Variants in PALM2AKAP2 observed in about 807,000 individuals in gnomAD.
PALM2AKAP2 encodes the protein PALM2 and AKAP2 fusion, also known as PALM2-AKAP2 fusion protein.
Under a neutral mutation model 71.5 loss-of-function variants are expected in PALM2AKAP2, and 37 were observed. The ratio of observed to expected loss-of-function variants is 0.52; its 90% CI spans 0.40 to 0.68. The LOEUF (loss-of-function observed/expected upper bound fraction) is 0.68. PALM2AKAP2 is among the 30% of genes least tolerant of loss of function. The pLI, the probability that PALM2AKAP2 is intolerant of heterozygous loss-of-function variation, is 0.00. For missense variants in PALM2AKAP2, 1,224 were observed against 1,191.8 expected (o/e 1.03, Z -0.40); for synonymous variants, 468 against 478.8 (o/e 0.98, Z 0.29).
chr9:109,713,092 G>A lies in PALM2AKAP2; in HGVS notation c.6-67396G>A, dbSNP rs147669505. ...ATCTTGGCTTTCTGGTCTCTTAGAC[G>A]AAGATCAGGATCCCCATCACCTGGG... On this transcript the variant is annotated intron_variant, in intron 1 of 6. Coordinates refer to the PALM2AKAP2 transcript ENST00000374531. 2.0e-4 allele frequency among the ~76,000 whole-genome samples: 30 copies of A among 152,300 alleles called. No homozygotes were observed. In the East Asian group the frequency reaches 2.3e-3, roughly 12 times the overall value.
Position 109,866,278 on chromosome 9 carries a change from G to A in PALM2AKAP2, c.46-1213G>A, listed in dbSNP as rs376732551. On this transcript the variant is annotated intron_variant, in intron 1 of 9. Coordinates refer to the PALM2AKAP2 transcript ENST00000302798. ...AGCACAGCAGCCAGGCTTCCGCATT[G>A]TTGTTGTCCCTAGGATTTGGCTGTT... Among the ~76,000 whole-genome samples the A allele has an allele frequency of 8.5e-5, 13 of 152,298 alleles. No homozygotes were observed. The East Asian group carries it at 1.3e-3, about 16-fold the overall frequency.
chr9:109,771,295 A>G (rs1829257639), intron 1 of PALM2AKAP2, among the ~76,000 whole-genome samples: 1 of 152,230 alleles, frequency 6.6e-6, no homozygotes, highest in Non-Finnish European at 1.5e-5. Flanking sequence ...CTGTGAAGTT[A>G]ACAAGAAGGG....
chr9:109,774,480 A>G (rs1176078424), intron 1 of PALM2AKAP2, among the ~76,000 whole-genome samples: 1 of 152,152 alleles, frequency 6.6e-6, no homozygotes, highest in Non-Finnish European at 1.5e-5. Context: ...CTTATTTATA[A>G]TTGTTAGATT....
chr9:110,119,372 GA>G (rs1256167035), intron 1 of PALM2AKAP2, among the ~76,000 whole-genome samples: 3 of 148,830 alleles, frequency 2.0e-5, no homozygotes, highest in Non-Finnish European at 4.5e-5. Flanking sequence ...AAAAGAAAAA[GA>G]AGATAACAGT....
In PALM2AKAP2 at chr9:110,003,068, G is replaced by T. The variant is rs1047329415; in HGVS notation, c.497-12886G>T. ...CTGATCTTAGTTATTTCTTGCCTTC[G>T]GCTAGCTTTTGAACGTGTTTGCTCT... On this transcript the variant is annotated intron_variant, in intron 6 of 9. Coordinates refer to the PALM2AKAP2 transcript ENST00000302798. Among the ~76,000 whole-genome samples, 27 of 151,948 alleles carry T rather than the reference G, an allele frequency of 1.8e-4. No individual in the cohort carries two copies. In the South Asian group the frequency reaches 3.3e-3, roughly 19 times the overall value.
rs975384725 is a variant in PALM2AKAP2 at position 109,933,712 on chromosome 9, T to G, written c.496+1684T>G. 1.3e-5 allele frequency among the ~76,000 whole-genome samples: 2 copies of G among 152,262 alleles called. 1 individual carries two copies. Among genetic ancestry groups the G allele is most frequent in the Admixed American group, 1.3e-4 (2 of 15,292 alleles). On this transcript the variant is annotated intron_variant, in intron 6 of 9. Transcript: ENST00000302798. ...CAAAAGTATAATGTGATCAGAATCT[T>G]TTTCAAAGTAATTTTACATATGTTT... is the stretch of plus-strand genomic sequence containing the variant.
intron 6 of PALM2AKAP2, among the ~76,000 whole-genome samples, chr9:109,990,039 A>C (rs994216088): frequency 4.0e-5 from 6 of 151,686 alleles, no homozygotes; most frequent in Non-Finnish European, 8.8e-5. Flanking sequence ...TCCACTGTTT[A>C]AGTCACTGTT....
At chr9:110,076,669 A>ATAT (rs1834331806) in intron 1 of PALM2AKAP2, among the ~76,000 whole-genome samples, 1 of 151,924 alleles carries the variant, frequency 6.6e-6, no homozygotes, top group South Asian at 2.1e-4. Flanking sequence ...GTTATCTGTA[A>ATAT]TATTTTGGTC....
At chr9:109,941,103 C>T (rs1418137) in intron 6 of PALM2AKAP2, among the ~76,000 whole-genome samples, 1 of 146,562 alleles carries the variant, frequency 6.8e-6, no homozygotes. Flanking sequence ...CTTCTTTTTT[C>T]TTCCTTCTCC....
chr9:110,014,222 C>T (rs2132332596), intron 6 of PALM2AKAP2, among the ~76,000 whole-genome samples: 1 of 152,168 alleles, frequency 6.6e-6, no homozygotes, highest in Middle Eastern at 3.4e-3. Context: ...AGATAACTAT[C>T]TAAATACTTA....
intron 2 of PALM2AKAP2, among the ~76,000 whole-genome samples, chr9:110,153,927 G>T (rs1037488025): frequency 6.6e-6 from 1 of 152,216 alleles, no homozygotes; most frequent in Non-Finnish European, 1.5e-5. Context: ...ATGAATATAG[G>T]CTGTGCTTTC....
chr9:109,985,656 CT>C lies in PALM2AKAP2; in HGVS notation c.497-30283del, dbSNP rs568197028. Among the ~76,000 whole-genome samples the C allele has an allele frequency of 2.9e-3, 385 of 131,984 alleles. 1 individual carries two copies. The highest frequency in any genetic ancestry group is 3.9e-3 in the Middle Eastern group (1 of 254). The allele number at this position is 131,984 out of a possible 152,430, so 86.6% of individuals were successfully genotyped here. On this transcript the variant is annotated intron_variant, in intron 6 of 9. Transcript: ENST00000302798. ...AAACTGTCTTGAGTTTTCTTTCTTTCTTTTTTTTTTTTTTTAACAGTCTTGC... is the reference window on the plus strand; with the variant it reads ...AAACTGTCTTGAGTTTTCTTTCTTTCTTTTTTTTTTTTTTAACAGTCTTGC...
intron 6 of PALM2AKAP2, among the ~76,000 whole-genome samples, chr9:109,965,734 T>C (rs6477734): frequency 0.4 from 61,131 of 152,000 alleles, 13,213 homozygotes; most frequent in Non-Finnish European, 0.49. Context: ...ATTATGTATG[T>C]TTTACCACAA....
intron 2 of PALM2AKAP2, among the ~76,000 whole-genome samples, chr9:109,870,140 A>C (rs941431718): frequency 6.6e-6 from 1 of 152,184 alleles, no homozygotes; most frequent in African/African-American, 2.4e-5. Flanking sequence ...CTCAGGCCAC[A>C]GTGAGGCCCA....
intron 1 of PALM2AKAP2, among the ~76,000 whole-genome samples, chr9:109,842,866 T>A (rs946622332): frequency 6.6e-6 from 1 of 151,712 alleles, no homozygotes; most frequent in Admixed American, 6.6e-5. Flanking sequence ...AATCAAACAG[T>A]TCGGTGGCTC....
chr9:109,948,943 C>T (rs1831572760), intron 6 of PALM2AKAP2, among the ~76,000 whole-genome samples: 1 of 152,166 alleles, frequency 6.6e-6, no homozygotes, highest in Non-Finnish European at 1.5e-5. Context: ...TTATGTTCTT[C>T]TTTTCTGTCC....
intron 6 of PALM2AKAP2, among the ~76,000 whole-genome samples, chr9:109,942,480 C>T (rs1046534539): frequency 6.6e-6 from 1 of 152,208 alleles, no homozygotes; most frequent in Non-Finnish European, 1.5e-5. Context: ...AACCGTGCAT[C>T]TGTCTTCCAA....
intron 1 of PALM2AKAP2, among the ~76,000 whole-genome samples, chr9:109,791,068 A>G (rs1203481475): frequency 6.6e-6 from 1 of 152,222 alleles, no homozygotes; most frequent in East Asian, 1.9e-4. Context: ...TAGATGAGAT[A>G]GGTTTGGCGG....
At chr9:109,736,431 AC>A (rs146130954) in intron 1 of PALM2AKAP2, among the ~76,000 whole-genome samples, 6,469 of 152,202 alleles carry the variant, frequency 0.043, 188 homozygotes, top group Non-Finnish European at 0.053. Context: ...GTGAATTCAG[AC>A]CACCACTCAG....
Sources: allele counts gnomAD v4.1 joint callset (sites outside exome capture counted in the v4.1 genomes callset), GRCh38; gene constraint gnomAD v4.1.1; transcripts MANE v1.5; gene names NCBI Gene and HGNC (gene_info 2026-07-23, HGNC 2026-07-21).